The following GPC6 variants were observed in gnomAD, a reference collection of about 807,000 sequenced individuals.
GPC6 encodes the protein glypican 6.
A neutral mutation model predicts 55.2 loss-of-function variants in GPC6; 14 were observed. The ratio of observed to expected loss-of-function variants is 0.25; its 90% CI spans 0.17 to 0.40. GPC6 has a LOEUF of 0.40. GPC6 is among the 10% of genes least tolerant of loss of function. The probability of loss-of-function intolerance (pLI) is 1.00; values close to 1 mark genes in which losing one functional copy is unlikely to be tolerated. For synonymous variants in GPC6, 278 were observed against 259.6 expected, an observed-to-expected ratio of 1.07 and a Z score of -0.68; for missense variants, 641 against 708.5, an observed-to-expected ratio of 0.90 and a Z score of 1.08.
At chr13:93,586,029 T>C (rs904564020) in intron 2 of GPC6, among the ~76,000 whole-genome samples, 3 of 152,146 alleles carry the variant, frequency 2.0e-5, no homozygotes, top group Admixed American at 6.6e-5. Flanking sequence ...ACTTGTATCA[T>C]GGGGGTTTGT....
intron 1 of GPC6, among the ~76,000 whole-genome samples, chr13:93,469,938 A>T (rs773675974): frequency 1.3e-5 from 2 of 151,976 alleles, no homozygotes; most frequent in Non-Finnish European, 2.9e-5. Context: ...TTGGGGGAGT[A>T]TGTTTATTTC....
intron 4 of GPC6, among the ~76,000 whole-genome samples, chr13:94,096,168 C>T (rs1263929757): frequency 6.6e-6 from 1 of 152,000 alleles, no homozygotes; most frequent in African/African-American, 2.4e-5. Context: ...TACTGACAAC[C>T]TAAAACACAG....
At chr13:93,929,131 C>G (rs569858949) in intron 3 of GPC6, among the ~76,000 whole-genome samples, 1 of 152,220 alleles carries the variant, frequency 6.6e-6, no homozygotes, top group African/African-American at 2.4e-5. Flanking sequence ...AAGGGTTTTG[C>G]TTTCATGATT....
intron 1 of GPC6, among the ~76,000 whole-genome samples, chr13:93,290,666 A>G (rs931019682): frequency 6.6e-6 from 1 of 152,114 alleles, no homozygotes; most frequent in Non-Finnish European, 1.5e-5. Flanking sequence ...TTCTGTGCAT[A>G]AAGATATACT....
At chr13:94,041,942 A>G (rs558974246) in intron 4 of GPC6, among the ~76,000 whole-genome samples, 4 of 151,988 alleles carry the variant, frequency 2.6e-5, no homozygotes, top group East Asian at 1.9e-4. Context: ...ATACGTAACC[A>G]TATGATATGG....
chr13:93,706,999 A>T (rs1882875481), intron 2 of GPC6, among the ~76,000 whole-genome samples: 1 of 151,800 alleles, frequency 6.6e-6, no homozygotes, highest in Non-Finnish European at 1.5e-5. Context: ...AGTGGTGAGG[A>T]TGTGACCAGG....
chr13:93,980,479 T>A (rs548372624), intron 3 of GPC6, among the ~76,000 whole-genome samples: 1 of 152,250 alleles, frequency 6.6e-6, no homozygotes, highest in South Asian at 2.1e-4. Context: ...CAAGCAGTAT[T>A]CTCTGCATTG....
intron 1 of GPC6, among the ~76,000 whole-genome samples, chr13:93,328,763 A>G (rs1194880484): frequency 1.3e-5 from 2 of 152,068 alleles, no homozygotes; most frequent in South Asian, 2.1e-4. Flanking sequence ...ATGAACTATT[A>G]TGGCAAAAAT....
chr13:94,004,251 G>A (rs971512990), intron 3 of GPC6, among the ~76,000 whole-genome samples: 6 of 152,028 alleles, frequency 3.9e-5, no homozygotes, highest in African/African-American at 1.4e-4. Context: ...AAAGTAAGTT[G>A]TTTGCACATT....
rs1395288031 is a variant in GPC6, at chr13:94,333,172, T to C, written c.1152+27049T>C. Among the ~76,000 whole-genome samples, 3 of 152,200 alleles carry C rather than the reference T, an allele frequency of 2.0e-5. No individual in the cohort carries two copies. The South Asian group carries it at 6.2e-4, about 32-fold the overall frequency. The stretch of plus-strand genomic sequence containing the variant: ...AGTTAGCTGTGAAATACTCAGGGCG[T>C]CCCTTAATTTTTTACTATAAATTTC... On this transcript the variant is annotated intron_variant, in intron 6 of 8. Coordinates refer to ENST00000377047, the MANE Select transcript of GPC6 (RefSeq NM_005708.5).
In GPC6 at chr13:94,083,408, G is replaced by A. The variant is rs568234205; in HGVS notation, c.877+55514G>A. Reference sequence around the variant, plus strand: ...GCTGGGATTACAGGCATGAGCCACTGCACCCGGCCAGGTTTTTCTTTTTTA... The same window carrying A: ...GCTGGGATTACAGGCATGAGCCACTACACCCGGCCAGGTTTTTCTTTTTTA... On this transcript the variant is annotated intron_variant, in intron 4 of 8. Transcript: ENST00000377047. Among the ~76,000 whole-genome samples the A allele has an allele frequency of 1.2e-4, 18 of 152,256 alleles. 1 individual carries two copies. Among genetic ancestry groups the A allele is most frequent in the South Asian group, 4.2e-4 (2 of 4,818 alleles).
chr13:93,559,753 A>G (rs973246926), intron 2 of GPC6, among the ~76,000 whole-genome samples: 5 of 152,214 alleles, frequency 3.3e-5, no homozygotes, highest in Non-Finnish European at 5.9e-5. Context: ...GGCAGCTAAC[A>G]TCTCCATTTT....
chr13:94,251,564 G>A (rs1215645025), intron 4 of GPC6, among the ~76,000 whole-genome samples: 2 of 151,726 alleles, frequency 1.3e-5, no homozygotes, highest in Non-Finnish European at 2.9e-5. Flanking sequence ...AAGTGAAATT[G>A]TTTTTCACCT....
chr13:93,489,457 CT>C (rs1305386121), intron 1 of GPC6, among the ~76,000 whole-genome samples: 1 of 151,342 alleles, frequency 6.6e-6, no homozygotes, highest in Non-Finnish European at 1.5e-5. Flanking sequence ...AATGTGGGCT[CT>C]TTTTTGGTTT....
intron 1 of GPC6, among the ~76,000 whole-genome samples, chr13:93,433,016 T>C (rs1196906103): frequency 6.6e-6 from 1 of 152,068 alleles, no homozygotes; most frequent in African/African-American, 2.4e-5. Flanking sequence ...AGAGCTTATA[T>C]TTGGAAATTG....
chr13:93,497,080 C>T (rs1246029329), intron 1 of GPC6, among the ~76,000 whole-genome samples: 1 of 152,172 alleles, frequency 6.6e-6, no homozygotes, highest in African/African-American at 2.4e-5. Flanking sequence ...CCTCGTGCTG[C>T]TGCAGCCTGA....
intron 1 of GPC6, among the ~76,000 whole-genome samples, chr13:93,517,385 T>C (rs1208049764): frequency 6.6e-6 from 1 of 152,110 alleles, no homozygotes; most frequent in African/African-American, 2.4e-5. Context: ...ATATGCTAAC[T>C]TGGGAAAATT....
intron 3 of GPC6, among the ~76,000 whole-genome samples, chr13:93,856,628 T>C (rs907831865): frequency 4.6e-5 from 7 of 151,666 alleles, no homozygotes; most frequent in Non-Finnish European, 8.9e-5. Flanking sequence ...CTAGATATCC[T>C]GATGCCTGAA....
At chr13:93,508,062 G>GA in intron 1 of GPC6, among the ~76,000 whole-genome samples, 1 of 152,188 alleles carries the variant, frequency 6.6e-6, no homozygotes. Flanking sequence ...CTAGTAGAGG[G>GA]AGAGAAGATT....
Sources: gnomAD v4.1 joint callset for allele counts (sites outside exome capture counted in the v4.1 genomes callset) on GRCh38, gnomAD v4.1.1 for gene constraint, MANE v1.5 for transcripts, NCBI Gene and HGNC (gene_info 2026-07-23, HGNC 2026-07-21) for gene names.